Variants in CFTR observed in about 807,000 individuals in gnomAD.
The protein encoded by CFTR is CF transmembrane conductance regulator.
A neutral mutation model predicts 171.6 loss-of-function variants in CFTR; 181 were observed. The observed-to-expected ratio is 1.05, with a 90% CI of 0.93 to 1.19. The LOEUF is 1.19. CFTR is among the 50% of genes most tolerant of loss of function. The pLI is 0.00. For synonymous variants in CFTR, 583 were observed against 608.0 expected (o/e 0.96, Z 0.60); for missense variants, 1,968 against 1,734.7 (o/e 1.13, Z -2.39).
intron 10 of CFTR, among the ~76,000 whole-genome samples, chr7:117,549,737 GCTTTTCAAAATA>G (rs1272327539): frequency 6.6e-6 from 1 of 151,972 alleles, no homozygotes; most frequent in Non-Finnish European, 1.5e-5. Flanking sequence ...GTCTCTTGAA[GCTTTTCAAAATA>G]CTTTCTAGAA....
At chr7:117,490,311 A>G (rs1798138085) in intron 1 of CFTR, among the ~76,000 whole-genome samples, 1 of 118,610 alleles carries the variant, frequency 8.4e-6, no homozygotes. Flanking sequence ...AGAACCAATG[A>G]TACACACACA....
chr7:117,495,741 T>A (rs935884775), intron 1 of CFTR, among the ~76,000 whole-genome samples: 1 of 152,168 alleles, frequency 6.6e-6, no homozygotes, highest in African/African-American at 2.4e-5. Flanking sequence ...CTTTAGTGTA[T>A]CAAAGTCACT....
chr7:117,515,307 C>T (rs957995813), intron 3 of CFTR, among the ~76,000 whole-genome samples: 2 of 152,092 alleles, frequency 1.3e-5, no homozygotes, highest in African/African-American at 2.4e-5. Context: ...GTCTTTAATA[C>T]ATCTTGAGTT....
chr7:117,483,575 TA>T (rs1584765889), intron 1 of CFTR, among the ~76,000 whole-genome samples: 1 of 152,284 alleles, frequency 6.6e-6, no homozygotes, highest in East Asian at 1.9e-4. Context: ...TGTTTGTTTT[TA>T]AAAGACAGAG....
chr7:117,485,413 T>C (rs1798058413), intron 1 of CFTR, among the ~76,000 whole-genome samples: 1 of 152,180 alleles, frequency 6.6e-6, no homozygotes, highest in African/African-American at 2.4e-5. Context: ...ATCAAGTTGT[T>C]TGGAGATCTT....
At chr7:117,620,682 A>T (rs1206559026) in intron 21 of CFTR, among the ~76,000 whole-genome samples, 2 of 152,234 alleles carry the variant, frequency 1.3e-5, no homozygotes, top group African/African-American at 4.8e-5. Flanking sequence ...AAAAGGTTGA[A>T]AAGTTTAGAA....
rs397508488 is a variant in CFTR, at chr7:117,610,577, T to C, written c.3047T>C (p.Phe1016Ser). 2 of 1,613,576 alleles carry C rather than the reference T, an allele frequency of 1.2e-6. No individual in the cohort carries two copies. The highest frequency in any genetic ancestry group is 1.7e-5 in the Admixed American group (1 of 59,958). The change falls in exon 19 of 27, where the codon TTT (phenylalanine) becomes TCT (serine). Residue 1016 changes from phenylalanine (F) to serine (S), a missense_variant. Coordinates refer to ENST00000003084, the MANE Select transcript of CFTR (RefSeq NM_000492.4). ...AVVAVLQPYI[F>S]VATVPVIVAF... ...GTCGCAGTTTTACAACCCTACATCT[T>C]TGTTGCAACAGTGCCAGTGATAGTG...
At chr7:117,596,506 C>T (rs895865625) in intron 15 of CFTR, among the ~76,000 whole-genome samples, 3 of 152,254 alleles carry the variant, frequency 2.0e-5, no homozygotes, top group Admixed American at 2.0e-4. Flanking sequence ...GTGCAGGGCG[C>T]AGGGCTGGCA....
chr7:117,625,529 T>C (rs1792638262), intron 21 of CFTR, among the ~76,000 whole-genome samples: 3 of 152,182 alleles, frequency 2.0e-5, no homozygotes, highest in African/African-American at 7.2e-5. Context: ...AGTTAAATGT[T>C]TTATAGATTG....
chr7:117,548,292 TTAAA>T (rs1400148805), intron 9 of CFTR, among the ~76,000 whole-genome samples: 1 of 151,664 alleles, frequency 6.6e-6, no homozygotes, highest in Non-Finnish European at 1.5e-5. Context: ...ATGCTGAAGA[TTAAA>T]TAATAGTGTT....
At chr7:117,507,982 G>A (rs1451771593) in intron 2 of CFTR, among the ~76,000 whole-genome samples, 7 of 152,110 alleles carry the variant, frequency 4.6e-5, no homozygotes, top group Admixed American at 4.6e-4. Context: ...TGCTATGCTG[G>A]CCAGGCTGGT....
intron 24 of CFTR, among the ~76,000 whole-genome samples, chr7:117,658,384 A>G (rs1793214422): frequency 6.6e-6 from 1 of 152,190 alleles, no homozygotes; most frequent in Admixed American, 6.5e-5. Flanking sequence ...ATGTTTTTTT[A>G]ATCTGGACTT....
intron 10 of CFTR, among the ~76,000 whole-genome samples, chr7:117,550,124 C>G (rs534552948): frequency 6.6e-6 from 1 of 152,086 alleles, no homozygotes; most frequent in South Asian, 2.1e-4. Context: ...TTGCTTGAGT[C>G]CAGGAGTTTG....
chr7:117,644,746 C>T (rs1347561783), intron 23 of CFTR, among the ~76,000 whole-genome samples: 1 of 152,110 alleles, frequency 6.6e-6, no homozygotes, highest in Non-Finnish European at 1.5e-5. Context: ...AGCTAGACAG[C>T]AATCTTGGAG....
intron 11 of CFTR, among the ~76,000 whole-genome samples, chr7:117,574,846 A>G (rs964903591): frequency 2.0e-5 from 3 of 152,098 alleles, no homozygotes; most frequent in African/African-American, 7.2e-5. Context: ...CATAAATTGT[A>G]TAATTTGTGC....
intron 20 of CFTR, among the ~76,000 whole-genome samples, chr7:117,612,128 C>G (rs34047738): frequency 0.041 from 5,563 of 137,212 alleles, 152 homozygotes; most frequent in Non-Finnish European, 0.059. Flanking sequence ...GATAGCAATT[C>G]TGTGATTGAA....
intron 3 of CFTR, among the ~76,000 whole-genome samples, chr7:117,518,081 G>A (rs1269109644): frequency 6.6e-6 from 1 of 151,878 alleles, no homozygotes; most frequent in East Asian, 1.9e-4. Flanking sequence ...AATGCATTAA[G>A]CACATAGAAT....
intron 20 of CFTR, among the ~76,000 whole-genome samples, chr7:117,612,658 C>T (rs552531017): frequency 6.6e-6 from 1 of 152,064 alleles, no homozygotes; most frequent in Non-Finnish European, 1.5e-5. Flanking sequence ...CAGAATTCTA[C>T]TCAAACCGAA....
intron 22 of CFTR, among the ~76,000 whole-genome samples, chr7:117,637,672 T>C: frequency 6.6e-6 from 1 of 151,904 alleles, no homozygotes; most frequent in Non-Finnish European, 1.5e-5. Flanking sequence ...AGGTCAGGAG[T>C]TCGAGACCAG....
Sources: gnomAD v4.1 joint callset for allele counts (sites outside exome capture counted in the v4.1 genomes callset) on GRCh38, gnomAD v4.1.1 for gene constraint, MANE v1.5 for transcripts, NCBI Gene and HGNC (gene_info 2026-07-23, HGNC 2026-07-21) for gene names.